ADCY9: variants seen among roughly 807,000 people sequenced by gnomAD.
The protein encoded by ADCY9 is adenylate cyclase 9.
ADCY9 carries 50 observed loss-of-function variants against 101.5 expected under a neutral mutation model. That is an observed-to-expected ratio of 0.49 (90% CI 0.39 to 0.62). The LOEUF (loss-of-function observed/expected upper bound fraction) is 0.62, where lower values mean the gene tolerates loss of function less well. Among genes scored for constraint, ADCY9 ranks in the 20% least tolerant of loss-of-function variants. The probability of loss-of-function intolerance (pLI) is 0.00; values close to 1 mark genes in which losing one functional copy is unlikely to be tolerated. For missense variants in ADCY9, 1,662 were observed against 1,800.4 expected (o/e 0.92, Z 1.39); for synonymous variants, 905 against 769.3 (o/e 1.18, Z -2.92).
chr16:4,050,075 G>T (rs1474124752), intron 2 of ADCY9, among the ~76,000 whole-genome samples: 1 of 151,918 alleles, frequency 6.6e-6, no homozygotes, highest in Non-Finnish European at 1.5e-5. Flanking sequence ...GTTGGGGGCC[G>T]AAGTGGGGGT....
chr16:4,009,412 T>G (rs1028549838), intron 2 of ADCY9, among the ~76,000 whole-genome samples: 1 of 152,132 alleles, frequency 6.6e-6, no homozygotes, highest in African/African-American at 2.4e-5. Context: ...TCCGCCACTA[T>G]GTCCAACTAT....
chr16:3,986,492 C>A (rs1289951746), intron 6 of ADCY9, among the ~76,000 whole-genome samples: 1 of 152,168 alleles, frequency 6.6e-6, no homozygotes. Flanking sequence ...TCTTCTTGCC[C>A]AGGCCGGAGT....
In ADCY9 at chr16:3,993,467, G is replaced by A. The variant is rs2056263271; in HGVS notation, c.1928C>T (p.Ala643Val). 6.2e-7 allele frequency: 1 copy of A among 1,614,056 alleles called. No individual in the cohort carries two copies. Among genetic ancestry groups the A allele is most frequent in the African/African-American group, 1.3e-5 (1 of 74,924 alleles). ...TTGAGGTGCTCCTCCCTCGGCGCCG[G>A]CTTCAGATTTGGGAGCAAATGTGAT... ...CGITFAPKSE[A>V]GAEGGAPQNG... The change falls in exon 4 of 11, where the codon GCC becomes GTC. Residue 643 changes from alanine (A) to valine (V), a missense_variant. Physicochemically the swap from Ala to Val is moderately conservative, Grantham distance 64. Around this residue, in one of 5 missense-constraint regions of ADCY9, gnomAD observed 624 missense variants for 639.1 expected, o/e 0.98. Transcript: ENST00000294016.
Position 3,967,564 on chromosome 16 carries a change from A to AT in ADCY9, c.2871-599dup, listed in dbSNP as rs879610481. ...ACCACCACACCTAGCTAATTAAAAA[A>AT]TTTTTTTTTTGAAGAGACAGGGTCT... is the stretch of plus-strand genomic sequence containing the variant. On this transcript the variant is annotated intron_variant, in intron 10 of 10. Transcript: ENST00000294016. Among the ~76,000 whole-genome samples, 299 of 147,394 alleles carry AT rather than the reference A, an allele frequency of 2.0e-3. 1 individual carries two copies. The highest frequency in any genetic ancestry group is 6.9e-3 in the African/African-American group (280 of 40,374).
chr16:4,067,626 AT>A (rs1567135522), intron 2 of ADCY9, among the ~76,000 whole-genome samples: 1 of 152,178 alleles, frequency 6.6e-6, no homozygotes, highest in Non-Finnish European at 1.5e-5. Context: ...AGAGAGATGT[AT>A]TTTATGGTCT....
At chr16:4,085,259 A>G (rs8044049) in intron 2 of ADCY9, among the ~76,000 whole-genome samples, 77,710 of 151,872 alleles carry the variant, frequency 0.51, 20,514 homozygotes, top group African/African-American at 0.62. Context: ...CTACTTGGGA[A>G]GCTGAGGTGG....
chr16:4,068,557 G>A (rs1027904407), intron 2 of ADCY9, among the ~76,000 whole-genome samples: 1 of 152,044 alleles, frequency 6.6e-6, no homozygotes, highest in Non-Finnish European at 1.5e-5. Context: ...GCTCACACCT[G>A]TAATCCCGGC....
At position 4,115,701 on chromosome 16, in the gene ADCY9, G is replaced by A. The variant is rs1416966397; in HGVS notation, c.-55C>T. 2.5e-6 allele frequency: 1 copy of A among 401,236 alleles called. No homozygotes were observed. The highest frequency in any genetic ancestry group is 4.1e-5 in the Admixed American group (1 of 24,690). The allele number at this position is 401,236 out of a possible 1,614,324, so 24.9% of individuals were successfully genotyped here. On this transcript the variant is annotated 5_prime_UTR_variant, in exon 1 of 11. Coordinates refer to ENST00000294016, the MANE Select transcript of ADCY9 (RefSeq NM_001116.4). The surrounding 1 kb of genome is among the most constrained non-coding windows in gnomAD (Gnocchi z 6.2). ...CGCTCGGGACGGACCTAGAACGCCC[G>A]GGGGTCCCCGCCGCGTGGCCGCCGT...
intron 2 of ADCY9, among the ~76,000 whole-genome samples, chr16:4,014,270 G>A (rs1425177162): frequency 6.7e-6 from 1 of 148,184 alleles, no homozygotes; most frequent in Middle Eastern, 3.4e-3. Flanking sequence ...AGTCAGCCGA[G>A]ATCGCACCAT....
Position 4,052,227 on chromosome 16 carries a change from GCCC to G in ADCY9, c.1694-44672_1694-44670del, listed in dbSNP as rs2056706208. On this transcript the variant is annotated intron_variant, in intron 2 of 10. Transcript: ENST00000294016. ...CGTGAAAGACAGAGACGAAGGAACA[GCCC>G]CAGATTGAAGGAGACTCGAGAGCCA... Among the ~76,000 whole-genome samples, 5 of 152,318 alleles carry G rather than the reference GCCC, an allele frequency of 3.3e-5. No homozygotes were observed. The South Asian group carries it at 1.0e-3, about 32-fold the overall frequency.
At chr16:4,113,258 C>T (rs969883161) in intron 2 of ADCY9, among the ~76,000 whole-genome samples, 7 of 151,746 alleles carry the variant, frequency 4.6e-5, no homozygotes, top group African/African-American at 1.5e-4. Context: ...TGCAGGACTG[C>T]GCCGACTTCC....
intron 2 of ADCY9, among the ~76,000 whole-genome samples, chr16:4,058,295 T>A (rs904005206): frequency 6.7e-6 from 1 of 149,956 alleles, no homozygotes; most frequent in African/African-American, 2.5e-5. Flanking sequence ...AAAACCCCCG[T>A]CTCTACTAAA....
At chr16:4,109,792 C>T (rs1218846937) in intron 2 of ADCY9, among the ~76,000 whole-genome samples, 1 of 152,190 alleles carries the variant, frequency 6.6e-6, no homozygotes, top group Non-Finnish European at 1.5e-5. Flanking sequence ...CCTCATTAAT[C>T]TCTTTCCAAC....
At chr16:4,065,765 C>T (rs1306800670) in intron 2 of ADCY9, among the ~76,000 whole-genome samples, 6 of 152,222 alleles carry the variant, frequency 3.9e-5, no homozygotes, top group Non-Finnish European at 5.9e-5. Context: ...GGCGGGGTTT[C>T]GCCATGTTGG....
chr16:3,969,567 G>GAA (rs2056029244), intron 10 of ADCY9, among the ~76,000 whole-genome samples: 1 of 20,874 alleles, frequency 4.8e-5, no homozygotes, highest in African/African-American at 1.2e-4. Context: ...AAGTTTGTTT[G>GAA]AAATATATAT....
Position 4,114,422 on chromosome 16 carries a change from T to A in ADCY9, c.1021A>T (p.Ile341Phe). 6.2e-7 allele frequency: 1 copy of A among 1,614,166 alleles called. No individual in the cohort carries two copies. The highest frequency in any genetic ancestry group is 8.5e-7 in the Non-Finnish European group (1 of 1,180,052). ...TGCTTCATTAAGTCATCGGCTATGA[T>A]TCTTGGCATCACGGAATGAATCATC... ...ERMIHSVMPR[I>F]IADDLMKQGD... The change falls in exon 2 of 11, where the codon ATC (isoleucine) becomes TTC (phenylalanine). Residue 341 changes from isoleucine (I) to phenylalanine (F), a missense_variant. Physicochemically the swap from Ile to Phe is conservative, Grantham distance 21 (BLOSUM62 0). Coordinates refer to ENST00000294016, the MANE Select transcript of ADCY9 (RefSeq NM_001116.4). The surrounding 1 kb of genome is among the most constrained non-coding windows in gnomAD (Gnocchi z 4.3).
chr16:4,071,718 G>T (rs1331627384), intron 2 of ADCY9, among the ~76,000 whole-genome samples: 1 of 152,152 alleles, frequency 6.6e-6, no homozygotes, highest in Non-Finnish European at 1.5e-5. Flanking sequence ...CTCTAAAGAA[G>T]AACCGAGTTT....
At chr16:4,086,553 A>C (rs1379403069) in intron 2 of ADCY9, among the ~76,000 whole-genome samples, 2 of 152,108 alleles carry the variant, frequency 1.3e-5, no homozygotes, top group East Asian at 1.9e-4. Flanking sequence ...AGAATCATGA[A>C]ACATAATCTA....
intron 2 of ADCY9, among the ~76,000 whole-genome samples, chr16:4,095,160 C>T (rs1469121056): frequency 1.4e-5 from 2 of 147,122 alleles, no homozygotes; most frequent in Non-Finnish European, 3.0e-5. Context: ...CACCACCATG[C>T]CCGGCTAATT....
Sources: allele counts gnomAD v4.1 joint callset (sites outside exome capture counted in the v4.1 genomes callset), GRCh38; gene constraint gnomAD v4.1.1; regional missense constraint gnomAD v4.1.1; non-coding constraint Gnocchi (gnomAD v3.1); transcripts MANE v1.5; gene names NCBI Gene and HGNC (gene_info 2026-07-23, HGNC 2026-07-21).